SLF1: variants seen among roughly 807,000 people sequenced by gnomAD.
SLF1 encodes SMC5-SMC6 complex localization factor protein 1.
SLF1 carries 105 observed loss-of-function variants against 123.0 expected under a neutral mutation model. That is an observed-to-expected ratio of 0.85 (90% CI 0.73 to 1.00). The LOEUF (loss-of-function observed/expected upper bound fraction) is 1.00, where lower values mean the gene tolerates loss of function less well. Among genes scored for constraint, SLF1 ranks in the 50% least tolerant of loss-of-function variants. The pLI is 0.00. For synonymous variants in SLF1, 434 were observed against 406.6 expected (o/e 1.07, Z -0.81); for missense variants, 1,239 against 1,223.0 (o/e 1.01, Z -0.20).
chr5:94,693,960 TAGC>T (rs979899623), intron 20 of SLF1, among the ~76,000 whole-genome samples: 32 of 152,074 alleles, frequency 2.1e-4, no homozygotes, highest in African/African-American at 7.7e-4. Flanking sequence ...TTATGAATTT[TAGC>T]AGTTATAATC....
intron 4 of SLF1, among the ~76,000 whole-genome samples, chr5:94,631,489 C>G (rs1487609983): frequency 3.3e-5 from 5 of 152,110 alleles, no homozygotes; most frequent in African/African-American, 1.2e-4. Context: ...TTTAAGAGGT[C>G]CTTATGAATG....
At chr5:94,668,829 C>T (rs1043861393) in intron 12 of SLF1, among the ~76,000 whole-genome samples, 4 of 152,150 alleles carry the variant, frequency 2.6e-5, no homozygotes, top group African/African-American at 9.7e-5. Context: ...TACTCTTGAC[C>T]TTTCCTTTAA....
rs1752696372 is a variant in SLF1, at chr5:94,688,429, A to T, written c.2122-77A>T. On this transcript the variant is annotated intron_variant, in intron 16 of 20. Transcript: ENST00000265140. ...CCAAGAAAATATAACCAAATGTAAT[A>T]GTGAAATGAATCAAATAATTTCTCT... 4.2e-6 allele frequency: 6 copies of T among 1,427,712 alleles called. No homozygotes were observed. The East Asian group carries it at 7.0e-5, about 17-fold the overall frequency. The allele number at this position is 1,427,712 out of a possible 1,614,324, so 88.4% of individuals were successfully genotyped here.
At chr5:94,663,622 G>T in intron 10 of SLF1, 128 bp from the exon 11 acceptor site, 1 of 852,438 alleles carries the variant, frequency 1.2e-6, no homozygotes. Flanking sequence ...TCCAGCCTGG[G>T]TAACAGAGTG....
Position 94,651,700 on chromosome 5 carries a change from A to G in SLF1, c.739-2A>G. On this transcript the variant is annotated splice_acceptor_variant, in intron 6 of 20. Transcript: ENST00000265140. LOFTEE classifies it high-confidence loss of function. The stretch of plus-strand genomic sequence containing the variant: ...AACTAAATTATGTTTACAAACACGC[A>G]GAAAGAAATGCAAAATCATGAAGAT... The G allele has an allele frequency of 6.6e-7, 1 of 1,518,998 alleles. No individual in the cohort carries two copies. Among genetic ancestry groups the G allele is most frequent in the South Asian group, 1.3e-5 (1 of 77,720 alleles). 94.1% of individuals were successfully genotyped at this position (1,518,998 alleles called of 1,614,324 possible). A position where few individuals can be genotyped will look rare whatever the true frequency, so the allele number is the denominator to read the frequency against.
intron 1 of SLF1, among the ~76,000 whole-genome samples, chr5:94,622,126 A>G (rs17083826): frequency 0.14 from 21,452 of 152,238 alleles, 1,730 homozygotes; most frequent in East Asian, 0.32. Context: ...ACATGTGTCT[A>G]CCTTTTGCAA....
intron 16 of SLF1, 123 bp downstream of exon 16, chr5:94,686,841 G>T (rs539412906): frequency 3.5e-5 from 40 of 1,144,648 alleles, no homozygotes; most frequent in African/African-American, 6.3e-5. Flanking sequence ...AGGCTGGAGT[G>T]CAGTGGCGCA....
chr5:94,648,876 T>C (rs1018928102), intron 5 of SLF1, among the ~76,000 whole-genome samples: 14 of 152,240 alleles, frequency 9.2e-5, no homozygotes, highest in Non-Finnish European at 1.3e-4. Context: ...TGTATAAGTA[T>C]GTATGCAATG....
At chr5:94,654,448 T>C (rs1193747394) in intron 8 of SLF1, among the ~76,000 whole-genome samples, 182 bp from the exon 9 acceptor site, 2 of 151,840 alleles carry the variant, frequency 1.3e-5, no homozygotes, top group Non-Finnish European at 2.9e-5. Flanking sequence ...TCTTTACAAA[T>C]TGAAATGTTT....
At chr5:94,665,338 A>G (rs1749617971) in intron 11 of SLF1, among the ~76,000 whole-genome samples, 1 of 152,208 alleles carries the variant, frequency 6.6e-6, no homozygotes, top group Non-Finnish European at 1.5e-5. Context: ...AAAACCTGTT[A>G]TTCAGGTATC....
chr5:94,647,984 G>T (rs1227535950), intron 5 of SLF1, among the ~76,000 whole-genome samples: 1 of 152,144 alleles, frequency 6.6e-6, no homozygotes, highest in Admixed American at 6.5e-5. Context: ...TTCTTGCCTT[G>T]TTGCTGATGA....
intron 4 of SLF1, among the ~76,000 whole-genome samples, chr5:94,634,318 C>T (rs565240786): frequency 1.7e-4 from 26 of 152,290 alleles, no homozygotes; most frequent in African/African-American, 6.3e-4. Context: ...TATTCCCCCA[C>T]CTCCATCCAG....
At chr5:94,634,552 A>G (rs565669032) in intron 4 of SLF1, among the ~76,000 whole-genome samples, 2 of 152,312 alleles carry the variant, frequency 1.3e-5, no homozygotes, top group South Asian at 4.1e-4. Context: ...GTGTATATGT[A>G]TATACTATAT....
chr5:94,686,124 A>G (rs1299710486), intron 15 of SLF1, among the ~76,000 whole-genome samples: 5 of 152,152 alleles, frequency 3.3e-5, no homozygotes, highest in Admixed American at 2.0e-4. Flanking sequence ...GAAGCAGTCT[A>G]CTTTCTTCCT....
At chr5:94,689,721 TC>T in intron 18 of SLF1, 115 bp downstream of exon 18, 2 of 893,984 alleles carry the variant, frequency 2.2e-6, no homozygotes, top group Middle Eastern at 3.6e-4. Context: ...TTGGACTAGG[TC>T]CAGGAAGTAC....
rs1375036286 is a variant in SLF1 at position 94,696,615 on chromosome 5, A to G, written c.*1303A>G. ...TATAGAGAGTAAAGTGCTTCTCCAG[A>G]TGATGAATAAGAACGTTTTTTATTC... On this transcript the variant is annotated 3_prime_UTR_variant, in exon 21 of 21. Coordinates refer to ENST00000265140, the MANE Select transcript of SLF1 (RefSeq NM_032290.4). The G allele has an allele frequency of 6.6e-6, 1 of 151,838 alleles. No homozygotes were observed. Among genetic ancestry groups the G allele is most frequent in the Non-Finnish European group, 1.5e-5 (1 of 67,836 alleles). The allele number at this position is 151,838 out of a possible 1,614,324, so 9.4% of individuals were successfully genotyped here.
chr5:94,681,632 T>C (rs1751781557), intron 15 of SLF1, among the ~76,000 whole-genome samples: 1 of 151,726 alleles, frequency 6.6e-6, no homozygotes, highest in Non-Finnish European at 1.5e-5. Flanking sequence ...TATCTCCCAA[T>C]GCTAACCCTC....
Position 94,695,437 on chromosome 5 carries a change from C to A in SLF1, c.*125C>A. 1.7e-6 allele frequency: 2 copies of A among 1,192,836 alleles called. No homozygotes were observed. Among genetic ancestry groups the A allele is most frequent in the Non-Finnish European group, 2.2e-6 (2 of 911,990 alleles). 73.9% of individuals were successfully genotyped at this position (1,192,836 alleles called of 1,614,324 possible). On this transcript the variant is annotated 3_prime_UTR_variant, in exon 21 of 21. Transcript: ENST00000265140. ...TTTATTGACAGACTTTGCAGCCTTG[C>A]TAAATTTTAAAAGCATTTTTAAAAA...
intron 12 of SLF1, among the ~76,000 whole-genome samples, chr5:94,668,425 G>A (rs1750067887): frequency 6.6e-6 from 1 of 151,312 alleles, no homozygotes; most frequent in South Asian, 2.1e-4. Context: ...CCTCCGCCTC[G>A]CAGGATCAAG....
Sources: allele counts gnomAD v4.1 joint callset (sites outside exome capture counted in the v4.1 genomes callset), GRCh38; gene constraint gnomAD v4.1.1; transcripts MANE v1.5; gene names NCBI Gene and HGNC (gene_info 2026-07-23, HGNC 2026-07-21).